SP1: variants seen among roughly 807,000 people sequenced by gnomAD.
SP1 encodes Sp1 transcription factor.
A neutral mutation model predicts 66.3 loss-of-function variants in SP1; 6 were observed. The observed-to-expected ratio is 0.09, with a 90% CI of 0.05 to 0.18. The LOEUF is 0.18. SP1 is among the 10% of genes least tolerant of loss of function. The pLI is 1.00. For synonymous variants in SP1, 417 were observed against 360.8 expected, an observed-to-expected ratio of 1.16 and a Z score of -1.77; for missense variants, 848 against 964.5, an observed-to-expected ratio of 0.88 and a Z score of 1.60.
intron 3 of SP1, among the ~76,000 whole-genome samples, chr12:53,400,443 T>A (rs1421999618): frequency 3.9e-5 from 6 of 152,364 alleles, no homozygotes; most frequent in Middle Eastern, 3.4e-3. Context: ...TTTCTGTGTT[T>A]TAGCTATCAT....
Position 53,409,418 on chromosome 12 carries a change from G to A in SP1, c.1901G>A (p.Gly634Glu). ...KQHICHIQGC[G>E]KVYGKTSHLR... ...CATATTTGCCACATCCAAGGCTGTG[G>A]GAAAGTGTATGGCAAGACCTCTCAC... The change falls in exon 5 of 6, where the codon GGG becomes GAG. Residue 634 changes from glycine to glutamate, a missense_variant. Transcript: ENST00000327443. The A allele has an allele frequency of 6.2e-7, 1 of 1,614,076 alleles. No homozygotes were observed. Among genetic ancestry groups the A allele is most frequent in the Non-Finnish European group, 8.5e-7 (1 of 1,180,014 alleles).
At chr12:53,394,583 CT>C (rs68013460) in intron 3 of SP1, among the ~76,000 whole-genome samples, 68 of 57,990 alleles carry the variant, frequency 1.2e-3, no homozygotes, top group South Asian at 1.8e-3. Context: ...TTCTTTTCTT[CT>C]TTTTTTTTTT....
At chr12:53,380,551 C>A (rs1358506525) in intron 1 of SP1, 12 of 701,826 alleles carry the variant, frequency 1.7e-5, no homozygotes, top group Non-Finnish European at 2.2e-5. Flanking sequence ...CCGCCCCGGC[C>A]ACGGGGGACG....
At chr12:53,402,938 A>C (rs1938640429) in intron 3 of SP1, among the ~76,000 whole-genome samples, 1 of 150,108 alleles carries the variant, frequency 6.7e-6, no homozygotes. Flanking sequence ...GTGCCACTGC[A>C]CTCCAGCCTG....
intron 3 of SP1, among the ~76,000 whole-genome samples, chr12:53,399,869 C>G (rs2947336): frequency 0.32 from 46,852 of 144,974 alleles, 10,714 homozygotes; most frequent in African/African-American, 0.66. Context: ...AACCTCAGGT[C>G]ATCCGCCCGC....
intron 3 of SP1, among the ~76,000 whole-genome samples, chr12:53,396,583 C>G (rs189652527): frequency 1.1e-4 from 16 of 152,188 alleles, no homozygotes; most frequent in African/African-American, 3.9e-4. Context: ...CAAAACAAAA[C>G]AAAACAAAAA....
chr12:53,380,327 G>A (rs565373882), intron 1 of SP1, 29 bp downstream of exon 1: 212 of 1,531,842 alleles, frequency 1.4e-4, no homozygotes, highest in Non-Finnish European at 1.8e-4. Context: ...CAAGCTTAGG[G>A]GTGGGAGGCG....
chr12:53,380,328 G>C (rs1333800246), intron 1 of SP1, 30 bp downstream of exon 1: 21 of 1,531,586 alleles, frequency 1.4e-5, no homozygotes, highest in Admixed American at 1.9e-5. Flanking sequence ...AAGCTTAGGG[G>C]TGGGAGGCGA....
At position 53,382,803 on chromosome 12, in the gene SP1, A is replaced by G. The variant is rs1938137517; in HGVS notation, c.856A>G (p.Ile286Val). The change falls in exon 3 of 6, where the codon ATC (isoleucine) becomes GTC (valine). Residue 286 changes from isoleucine (I) to valine (V), a missense_variant. Physicochemically the swap from Ile to Val is conservative, Grantham distance 29. This residue lies in a region of SP1 where 606 missense variants were observed against 589.9 expected (regional missense o/e 1.03). Coordinates refer to ENST00000327443, the MANE Select transcript of SP1 (RefSeq NM_138473.3). ...TLTPSSQAVT[I>V]SSSGSQESGS... is the part of the protein sequence containing the mutation. Reference sequence around the variant, plus strand: ...GACTCCCAGCTCTCAGGCAGTCACGATCAGCAGCTCTGGGTCCCAGGAGAG... The same window carrying G: ...GACTCCCAGCTCTCAGGCAGTCACGGTCAGCAGCTCTGGGTCCCAGGAGAG... The G allele has an allele frequency of 1.7e-5, 28 of 1,614,080 alleles. No homozygotes were observed. The East Asian group carries it at 6.2e-4, about 36-fold the overall frequency.
At chr12:53,390,303 G>A (rs1411552647) in intron 3 of SP1, among the ~76,000 whole-genome samples, 1 of 152,126 alleles carries the variant, frequency 6.6e-6, no homozygotes. Context: ...TATCAGCACA[G>A]AAAGATATAC....
chr12:53,384,567 T>C (rs1938183912), intron 3 of SP1, among the ~76,000 whole-genome samples: 1 of 152,220 alleles, frequency 6.6e-6, no homozygotes. Flanking sequence ...ATTATAGGTG[T>C]GAGCCACTGC....
chr12:53,386,447 A>T (rs1248628191), intron 3 of SP1, among the ~76,000 whole-genome samples: 3 of 151,104 alleles, frequency 2.0e-5, no homozygotes, highest in Non-Finnish European at 2.9e-5. Context: ...AATTTAAAAC[A>T]GTAAACAGAT....
intron 3 of SP1, among the ~76,000 whole-genome samples, chr12:53,400,385 A>AT (rs144739212): frequency 0.027 from 4,133 of 152,246 alleles, 176 homozygotes; most frequent in African/African-American, 0.094. Context: ...TTGTGTATAT[A>AT]TACCACATTT....
In SP1 at chr12:53,396,207, G is replaced by C. The variant is rs553525292; in HGVS notation, c.1676-10378G>C. 3.2e-4 allele frequency among the ~76,000 whole-genome samples: 48 copies of C among 151,914 alleles called. 1 individual carries two copies. The highest frequency in any genetic ancestry group is 6.6e-4 in the Non-Finnish European group (45 of 67,984). Reference sequence around the variant, plus strand: ...GAGGCAGGAGAATGGCGTGAACCCGGGAGGCAGAGCTTACAGTGAGCTAAC... The same window carrying C: ...GAGGCAGGAGAATGGCGTGAACCCGCGAGGCAGAGCTTACAGTGAGCTAAC... On this transcript the variant is annotated intron_variant, in intron 3 of 5. Transcript: ENST00000327443.
At position 53,411,255 on chromosome 12, in the gene SP1, G is replaced by A. The variant is rs1938877043; in HGVS notation, c.*15G>A. The A allele has an allele frequency of 6.2e-7, 1 of 1,600,354 alleles. No individual in the cohort carries two copies. The highest frequency in any genetic ancestry group is 1.7e-5 in the Admixed American group (1 of 59,438). On this transcript the variant is annotated 3_prime_UTR_variant, in exon 6 of 6. Coordinates refer to ENST00000327443, the MANE Select transcript of SP1 (RefSeq NM_138473.3). ...ATGGCTTCTGAGATCAGGCACCCGG[G>A]GCCAGAGACATATGGGCCATACCCC...
intron 4 of SP1, among the ~76,000 whole-genome samples, chr12:53,408,306 G>A (rs576270159): frequency 7.3e-4 from 106 of 145,638 alleles, no homozygotes; most frequent in African/African-American, 2.6e-3. Context: ...GCACGATCTC[G>A]GCTCACTGCA....
chr12:53,388,341 C>T (rs1938274444), intron 3 of SP1, among the ~76,000 whole-genome samples: 1 of 152,170 alleles, frequency 6.6e-6, no homozygotes. Context: ...ATTGCTAAAT[C>T]ATGCTCTGGG....
intron 3 of SP1, among the ~76,000 whole-genome samples, chr12:53,389,070 G>A (rs1592559207): frequency 6.6e-6 from 1 of 151,986 alleles, no homozygotes; most frequent in East Asian, 1.9e-4. Flanking sequence ...TTCTTGGTAC[G>A]ATGTAGAAAG....
chr12:53,397,805 T>C (rs1207496830), intron 3 of SP1, among the ~76,000 whole-genome samples: 1 of 151,782 alleles, frequency 6.6e-6, no homozygotes, highest in Non-Finnish European at 1.5e-5. Context: ...CCTCCCGCCT[T>C]GGCCTCCCAA....
Sources: gnomAD v4.1 joint callset for allele counts (sites outside exome capture counted in the v4.1 genomes callset) on GRCh38, gnomAD v4.1.1 for gene constraint, gnomAD v4.1.1 regional missense constraint, MANE v1.5 for transcripts, NCBI Gene and HGNC (gene_info 2026-07-23, HGNC 2026-07-21) for gene names.